ERN1: variants seen among roughly 807,000 people sequenced by gnomAD.
ERN1 encodes serine/threonine-protein kinase/endoribonuclease IRE1.
Under a neutral mutation model 113.1 loss-of-function variants are expected in ERN1, and 39 were observed. The observed-to-expected ratio is 0.34, with a 90% CI of 0.27 to 0.45. The LOEUF (loss-of-function observed/expected upper bound fraction) is 0.45. Among genes scored for constraint, ERN1 ranks in the 20% least tolerant of loss-of-function variants. The pLI is 1.00. For synonymous variants in ERN1, 507 were observed against 515.9 expected, an observed-to-expected ratio of 0.98 and a Z score of 0.23; for missense variants, 976 against 1,274.8, an observed-to-expected ratio of 0.77 and a Z score of 3.57.
chr17:64,073,515 G>A (rs539829257), intron 5 of ERN1, among the ~76,000 whole-genome samples: 18 of 147,672 alleles, frequency 1.2e-4, no homozygotes, highest in African/African-American at 3.0e-4. Context: ...TTTTTGAGAC[G>A]GAGTCTCGCT....
At chr17:64,084,910 T>G (rs1039342633) in intron 2 of ERN1, among the ~76,000 whole-genome samples, 1 of 152,214 alleles carries the variant, frequency 6.6e-6, no homozygotes, top group African/African-American at 2.4e-5. Context: ...TGATCAACTG[T>G]TGCCACCTCA....
rs1436246412 is a variant in ERN1, at chr17:64,066,619, C to T, written c.842+52G>A. 8 of 1,600,886 alleles carry T rather than the reference C, an allele frequency of 5.0e-6. No homozygotes were observed. The Admixed American group carries it at 5.0e-5, about 10-fold the overall frequency. ...CAGGGCCTGCTACACTGCAACAGCA[C>T]CAGAACACGAAGGCCACGGCCGCCC... On this transcript the variant is annotated intron_variant, in intron 8 of 21. Transcript: ENST00000433197.
In ERN1 at chr17:64,041,797, G is replaced by A. The variant is rs75160892; in HGVS notation, c.*2191C>T. Reference sequence around the variant, plus strand: ...CTGTCTTGTTCATCGCTGTATCTCCGGCACCCTATATCCTGCCTAGCTCAA... The same window carrying A: ...CTGTCTTGTTCATCGCTGTATCTCCAGCACCCTATATCCTGCCTAGCTCAA... On this transcript the variant is annotated 3_prime_UTR_variant, in exon 22 of 22. Transcript: ENST00000433197. 13,540 of 152,180 alleles carry A rather than the reference G, an allele frequency of 0.089. 671 individuals are homozygous for A. Among genetic ancestry groups the A allele is most frequent in the African/African-American group, 0.11 (4,640 of 41,496 alleles). The allele number at this position is 152,180 out of a possible 1,614,324, so 9.4% of individuals were successfully genotyped here.
chr17:64,058,080 T>A lies in ERN1; in HGVS notation c.1207-87A>T, dbSNP rs187701514. The A allele has an allele frequency of 1.4e-3, 1,448 of 1,041,996 alleles. 2 individuals are homozygous for A. The highest frequency in any genetic ancestry group is 1.7e-3 in the Non-Finnish European group (1,220 of 723,832). The allele number at this position is 1,041,996 out of a possible 1,614,324, so 64.5% of individuals were successfully genotyped here. Reference sequence around the variant, plus strand: ...GCAATCAAGAGAAGCAATCACTGTTTACAAGGATATGACTGTACTGCAGGG... The same window carrying A: ...GCAATCAAGAGAAGCAATCACTGTTAACAAGGATATGACTGTACTGCAGGG... On this transcript the variant is annotated intron_variant, in intron 11 of 21. Coordinates refer to ENST00000433197, the MANE Select transcript of ERN1 (RefSeq NM_001433.5).
rs531000969 is a variant in ERN1, at chr17:64,044,654, G to T, written c.2721+206C>A. 6.6e-6 allele frequency among the ~76,000 whole-genome samples: 1 copy of T among 152,334 alleles called. No individual in the cohort carries two copies. Among genetic ancestry groups the T allele is most frequent in the African/African-American group, 2.4e-5 (1 of 41,576 alleles). On this transcript the variant is annotated intron_variant, in intron 21 of 21. Coordinates refer to ENST00000433197, the MANE Select transcript of ERN1 (RefSeq NM_001433.5). The surrounding 1 kb of genome is among the most constrained non-coding windows in gnomAD (Gnocchi z 4.1). ...GGGCCGCAGAGCACTGCTTCCCGGA[G>T]CTTCACCTGCACCTACGTCCCTGAA...
intron 2 of ERN1, among the ~76,000 whole-genome samples, chr17:64,083,305 A>T (rs1913825881): frequency 1.3e-5 from 2 of 152,180 alleles, no homozygotes; most frequent in African/African-American, 4.8e-5. Context: ...AAATAAAAAG[A>T]GCATTATCTG....
At position 64,045,356 on chromosome 17, in the gene ERN1, C is replaced by T; in HGVS notation, c.2653+3G>A. The stretch of plus-strand genomic sequence containing the variant: ...GCCCTCTCACACGCTGCAGCATGAT[C>T]ACCTGTCTGGAGGGGGACAGTGATG... On this transcript the variant is annotated splice_donor_region_variant and intron_variant, in intron 20 of 21. Transcript: ENST00000433197. 6.2e-7 allele frequency: 1 copy of T among 1,613,810 alleles called. No homozygotes were observed. The highest frequency in any genetic ancestry group is 8.5e-7 in the Non-Finnish European group (1 of 1,179,866).
At chr17:64,092,993 A>T (rs1285883834) in intron 2 of ERN1, among the ~76,000 whole-genome samples, 2 of 152,222 alleles carry the variant, frequency 1.3e-5, no homozygotes, top group Admixed American at 1.3e-4. Context: ...AAATGTCACA[A>T]CCCAAATGAG....
At chr17:64,113,323 A>G (rs555734122) in intron 1 of ERN1, among the ~76,000 whole-genome samples, 16 of 152,316 alleles carry the variant, frequency 1.1e-4, no homozygotes, top group Non-Finnish European at 1.9e-4. Flanking sequence ...ATGAGGTTAA[A>G]AACATTTTAT....
At chr17:64,117,368 G>T (rs1288344052) in intron 1 of ERN1, among the ~76,000 whole-genome samples, 2 of 151,950 alleles carry the variant, frequency 1.3e-5, no homozygotes, top group African/African-American at 4.8e-5. Flanking sequence ...ACTTGAACCC[G>T]GGAGGCGGAG....
chr17:64,058,417 C>T (rs532386584), intron 11 of ERN1, among the ~76,000 whole-genome samples: 106 of 152,154 alleles, frequency 7.0e-4, no homozygotes, highest in African/African-American at 2.3e-3. Flanking sequence ...AAAGGAAATC[C>T]GCACGTATAC....
At position 64,054,417 on chromosome 17, in the gene ERN1, C is replaced by T. The variant is rs1285667204; in HGVS notation, c.1786G>A (p.Val596Met). The T allele has an allele frequency of 5.7e-6, 9 of 1,571,676 alleles. No homozygotes were observed. The highest frequency in any genetic ancestry group is 3.8e-5 in the Admixed American group (2 of 53,164). ...VYRGMFDNRD[V>M]AVKRILPECF... The stretch of plus-strand genomic sequence containing the variant: ...TCGGGGAGGATCCTCTTCACGGCCA[C>T]GTCGCGGTTGTCAAACATGCCCCTG... The change falls in exon 15 of 22, where the codon GTG becomes ATG. Residue 596 changes from valine to methionine, a missense_variant. Coordinates refer to ENST00000433197, the MANE Select transcript of ERN1 (RefSeq NM_001433.5). This position sits in a 1 kb window ranked among gnomAD's most constrained non-coding sequence, Gnocchi z 4.9.
intron 1 of ERN1, among the ~76,000 whole-genome samples, chr17:64,127,753 A>G (rs542714586): frequency 4.9e-5 from 7 of 141,478 alleles, no homozygotes; most frequent in Admixed American, 2.0e-4. Flanking sequence ...AAGAAACTCC[A>G]TATCAAAAAA....
At chr17:64,047,827 G>T (rs1912557196) in intron 19 of ERN1, 31 bp downstream of exon 19, 1 of 1,520,988 alleles carries the variant, frequency 6.6e-7, no homozygotes, top group Non-Finnish European at 8.8e-7. Flanking sequence ...ATTAAATGAA[G>T]ACTCTGGATA....
chr17:64,089,362 G>C (rs1017606676), intron 2 of ERN1, among the ~76,000 whole-genome samples: 2 of 150,094 alleles, frequency 1.3e-5, no homozygotes, highest in Non-Finnish European at 3.0e-5. Context: ...CGTGACACAG[G>C]GTGAGCATCC....
At chr17:64,061,584 A>G (rs141687470) in intron 10 of ERN1, among the ~76,000 whole-genome samples, 59 of 152,300 alleles carry the variant, frequency 3.9e-4, no homozygotes, top group African/African-American at 1.3e-3. Context: ...CTACAACATA[A>G]TATCATTCTT....
Position 64,041,953 on chromosome 17 carries a change from G to A in ERN1, c.*2035C>T, listed in dbSNP as rs1912351984. The A allele has an allele frequency of 1.3e-5, 2 of 152,270 alleles. No individual in the cohort carries two copies. The highest frequency in any genetic ancestry group is 2.4e-5 in the African/African-American group (1 of 41,464). The allele number at this position is 152,270 out of a possible 1,614,324, so 9.4% of individuals were successfully genotyped here. On this transcript the variant is annotated 3_prime_UTR_variant, in exon 22 of 22. Transcript: ENST00000433197. ...TAGGCAAGTGGGGCTAAAACAGGGA[G>A]ATGACACAAAATTGGGTCACTAGAA...
chr17:64,041,949 G>A lies in ERN1; in HGVS notation c.*2039C>T, dbSNP rs1912351778. ...TCTCTAGGCAAGTGGGGCTAAAACA[G>A]GGAGATGACACAAAATTGGGTCACT... On this transcript the variant is annotated 3_prime_UTR_variant, in exon 22 of 22. Coordinates refer to ENST00000433197, the MANE Select transcript of ERN1 (RefSeq NM_001433.5). The A allele has an allele frequency of 6.6e-6, 1 of 152,240 alleles. No individual in the cohort carries two copies. Among genetic ancestry groups the A allele is most frequent in the South Asian group, 2.1e-4 (1 of 4,834 alleles). The allele number at this position is 152,240 out of a possible 1,614,324, so 9.4% of individuals were successfully genotyped here.
In ERN1 at chr17:64,044,289, G is replaced by A; in HGVS notation, c.2722-89C>T. 1 of 913,918 alleles carries A rather than the reference G, an allele frequency of 1.1e-6. No homozygotes were observed. Among genetic ancestry groups the A allele is most frequent in the Non-Finnish European group, 1.6e-6 (1 of 627,526 alleles). 56.6% of individuals were successfully genotyped at this position (913,918 alleles called of 1,614,324 possible). A position where few individuals can be genotyped will look rare whatever the true frequency, so the allele number is the denominator to read the frequency against. ...AAACACCCTTTCATCATGCAAGGAA[G>A]AGACAGAATGTGAGTGTTGGTTTTT... On this transcript the variant is annotated intron_variant, in intron 21 of 21. Transcript: ENST00000433197. The surrounding 1 kb of genome is among the most constrained non-coding windows in gnomAD (Gnocchi z 4.1).
Sources: allele counts gnomAD v4.1 joint callset (sites outside exome capture counted in the v4.1 genomes callset), GRCh38; gene constraint gnomAD v4.1.1; non-coding constraint Gnocchi (gnomAD v3.1); transcripts MANE v1.5; gene names NCBI Gene and HGNC (gene_info 2026-07-23, HGNC 2026-07-21).